ASPRV1: variants seen among roughly 807,000 people sequenced by gnomAD.
The protein encoded by ASPRV1 is aspartic peptidase retroviral like 1.
ASPRV1 carries 7 observed loss-of-function variants against 11.0 expected under a neutral mutation model. The observed-to-expected ratio is 0.64, with a 90% CI of 0.36 to 1.20. ASPRV1 has a LOEUF of 1.20. Ranked by LOEUF, ASPRV1 falls within the 50% of genes most tolerant of loss-of-function variation. The pLI is 0.02. For missense variants in ASPRV1, 299 were observed against 320.0 expected, an observed-to-expected ratio of 0.93 and a Z score of 0.50; for synonymous variants, 136 against 138.4, an observed-to-expected ratio of 0.98 and a Z score of 0.12.
the ASPRV1 span, among the ~76,000 whole-genome samples, chr2:70,059,334 T>C: frequency 1.8e-3 from 279 of 151,496 alleles, no homozygotes; most frequent in Middle Eastern, 0.01. Flanking sequence ...GTGCAGAACA[T>C]GCAGGTTTGT....
chr2:70,029,128 C>T, the ASPRV1 span, among the ~76,000 whole-genome samples: 1 of 152,016 alleles, frequency 6.6e-6, no homozygotes, highest in Non-Finnish European at 1.5e-5. Context: ...TGTAAGCCTG[C>T]AATTTCTGTA....
At chr2:70,066,666 C>T in the ASPRV1 span, among the ~76,000 whole-genome samples, 1 of 151,990 alleles carries the variant, frequency 6.6e-6, no homozygotes, top group Non-Finnish European at 1.5e-5. Context: ...GGCATCATTA[C>T]AGTTCGTTGC....
At chr2:70,000,884 C>T in the ASPRV1 span, among the ~76,000 whole-genome samples, 63 of 148,050 alleles carry the variant, frequency 4.3e-4, no homozygotes, top group East Asian at 0.011. Flanking sequence ...GAATTACCAA[C>T]GGCTGGCCTG....
chr2:69,979,099 AT>A, the ASPRV1 span, among the ~76,000 whole-genome samples: 5 of 150,642 alleles, frequency 3.3e-5, no homozygotes, highest in Non-Finnish European at 7.4e-5. Context: ...CAGTGGTGTG[AT>A]CTCGGCTCAC....
chr2:70,046,568 C>CT, the ASPRV1 span: 1 of 152,166 alleles, frequency 6.6e-6, no homozygotes, highest in Admixed American at 6.5e-5. Flanking sequence ...ATTAGGTACT[C>CT]TTTGGCGGTA....
chr2:70,084,438 G>C, the ASPRV1 span, among the ~76,000 whole-genome samples: 1 of 152,264 alleles, frequency 6.6e-6, no homozygotes, highest in Non-Finnish European at 1.5e-5. Flanking sequence ...TCTGGACTCA[G>C]ATTGCCTAAA....
At chr2:69,985,025 T>G in the ASPRV1 span, among the ~76,000 whole-genome samples, 1 of 151,968 alleles carries the variant, frequency 6.6e-6, no homozygotes, top group Non-Finnish European at 1.5e-5. Flanking sequence ...CCCAGCTAAT[T>G]TTTTGTATTT....
the ASPRV1 span, among the ~76,000 whole-genome samples, chr2:69,974,172 T>C: frequency 6.6e-6 from 1 of 151,938 alleles, no homozygotes; most frequent in Admixed American, 6.6e-5. Flanking sequence ...ACTCTGTCTC[T>C]AATAACAATA....
chr2:69,996,925 T>A, the ASPRV1 span: 1 of 313,694 alleles, frequency 3.2e-6, no homozygotes, highest in South Asian at 2.5e-5. Flanking sequence ...TTATTATTCA[T>A]CTTCAGATGA....
chr2:70,022,042 T>C, the ASPRV1 span, among the ~76,000 whole-genome samples: 5 of 147,474 alleles, frequency 3.4e-5, no homozygotes, highest in Admixed American at 3.4e-4. Context: ...TGAGATGGAG[T>C]CTGGCTCTGT....
chr2:70,007,938 C>G, the ASPRV1 span, among the ~76,000 whole-genome samples: 1 of 152,078 alleles, frequency 6.6e-6, no homozygotes, highest in South Asian at 2.1e-4. Flanking sequence ...TGGGTTCATG[C>G]AATTCTCGTG....
chr2:70,084,481 G>A, the ASPRV1 span, among the ~76,000 whole-genome samples: 1 of 152,298 alleles, frequency 6.6e-6, no homozygotes, highest in East Asian at 1.9e-4. Context: ...TAATAGCTGT[G>A]TGACCTTGGA....
the ASPRV1 span, among the ~76,000 whole-genome samples, chr2:70,036,411 T>C: frequency 3.3e-5 from 5 of 151,572 alleles, no homozygotes; most frequent in East Asian, 9.7e-4. Context: ...AAGTATGAAA[T>C]AATAAGGTAG....
At chr2:69,969,169 C>A in the ASPRV1 span, among the ~76,000 whole-genome samples, 4 of 152,142 alleles carry the variant, frequency 2.6e-5, no homozygotes, top group African/African-American at 7.2e-5. Flanking sequence ...GCATAGCCTG[C>A]ACTCCTCTTG....
At chr2:70,065,937 G>C in the ASPRV1 span, among the ~76,000 whole-genome samples, 1 of 151,962 alleles carries the variant, frequency 6.6e-6, no homozygotes, top group Non-Finnish European at 1.5e-5. Context: ...GCTGGGTGCA[G>C]TGGCTCACGC....
chr2:69,989,357 C>T, the ASPRV1 span, among the ~76,000 whole-genome samples: 1 of 152,240 alleles, frequency 6.6e-6, no homozygotes, highest in African/African-American at 2.4e-5. Flanking sequence ...ATGAGAATGA[C>T]CCTGACACCA....
the ASPRV1 span, among the ~76,000 whole-genome samples, chr2:70,035,361 T>C: frequency 1.5e-4 from 23 of 152,136 alleles, no homozygotes; most frequent in Admixed American, 1.3e-3. Context: ...CTATGGTGCC[T>C]CCATTTCCTC....
chr2:69,938,406 C>T, the ASPRV1 span: 4 of 1,001,252 alleles, frequency 4.0e-6, no homozygotes, highest in Non-Finnish European at 5.9e-6. Flanking sequence ...TGACCAAAAT[C>T]AGCTTTGTAA....
At chr2:70,040,750 C>T in the ASPRV1 span, among the ~76,000 whole-genome samples, 2 of 152,100 alleles carry the variant, frequency 1.3e-5, no homozygotes, top group Non-Finnish European at 2.9e-5. Context: ...AGGAGAATCA[C>T]TTGAACCCGG....
Sources: allele counts gnomAD v4.1 joint callset (sites outside exome capture counted in the v4.1 genomes callset), GRCh38; gene constraint gnomAD v4.1.1; transcripts MANE v1.5; gene names NCBI Gene and HGNC (gene_info 2026-07-23, HGNC 2026-07-21).